The following CCDC126 variants were observed in gnomAD, a reference collection of about 807,000 sequenced individuals.
The protein encoded by CCDC126 is coiled-coil domain-containing protein 126.
A neutral mutation model predicts 11.7 loss-of-function variants in CCDC126; 5 were observed. The observed-to-expected ratio is 0.43, with a 90% confidence interval of 0.22 to 0.90. The LOEUF (loss-of-function observed/expected upper bound fraction) is 0.90, where lower values mean the gene tolerates loss of function less well. CCDC126 is among the 40% of genes least tolerant of loss of function. The pLI, the probability that CCDC126 is intolerant of heterozygous loss-of-function variation, is 0.27. For synonymous variants in CCDC126, 60 were observed against 61.9 expected, an observed-to-expected ratio of 0.97 and a Z score of 0.14; for missense variants, 150 against 163.1, an observed-to-expected ratio of 0.92 and a Z score of 0.44.
At chr7:23,622,902 C>T (rs999209600) in intron 3 of CCDC126, 17 of 336,338 alleles carry the variant, frequency 5.1e-5, no homozygotes, top group African/African-American at 1.1e-4. Flanking sequence ...CATGCAGTAA[C>T]ATGAATTATT....
chr7:23,623,131 GC>G (rs929144520), intron 3 of CCDC126, among the ~76,000 whole-genome samples: 1 of 131,876 alleles, frequency 7.6e-6, no homozygotes, highest in Non-Finnish European at 1.6e-5. Context: ...GCGCCACTAT[GC>G]CCAGCTGATT....
At chr7:23,613,221 C>G (rs1018834392) in intron 3 of CCDC126, among the ~76,000 whole-genome samples, 3 of 151,828 alleles carry the variant, frequency 2.0e-5, no homozygotes, top group Middle Eastern at 3.2e-3. Flanking sequence ...TCAGGTGGGA[C>G]AACTGCTTGA....
chr7:23,617,636 C>A (rs1409424353), intron 3 of CCDC126, among the ~76,000 whole-genome samples: 3 of 152,196 alleles, frequency 2.0e-5, no homozygotes, highest in South Asian at 4.2e-4. Context: ...TGCAGTTAAG[C>A]CTGCAGTAAG....
chr7:23,638,240 C>T (rs900042833), intron 3 of CCDC126, among the ~76,000 whole-genome samples: 4 of 151,872 alleles, frequency 2.6e-5, no homozygotes, highest in Non-Finnish European at 5.9e-5. Context: ...TGGGGATGGG[C>T]CATGATGACA....
intron 2 of CCDC126, among the ~76,000 whole-genome samples, chr7:23,609,007 G>T (rs1466085257): frequency 6.6e-6 from 1 of 151,902 alleles, no homozygotes; most frequent in Non-Finnish European, 1.5e-5. Flanking sequence ...GGAGCCACAA[G>T]ACCAGATGAG....
intron 3 of CCDC126, among the ~76,000 whole-genome samples, chr7:23,638,319 G>A (rs1246565687): frequency 7.4e-4 from 106 of 144,128 alleles, no homozygotes; most frequent in African/African-American, 2.6e-3. Flanking sequence ...TGGTTGCCGG[G>A]TCTGTGTGGA....
Position 23,597,618 on chromosome 7 carries a change from G to C in CCDC126, c.-231+13G>C, listed in dbSNP as rs1433867760. On this transcript the variant is annotated intron_variant, in intron 1 of 3. Coordinates refer to ENST00000307471, the MANE Select transcript of CCDC126 (RefSeq NM_138771.4). ...AGCCCACGGCCAGGTAATGAGTAAG[G>C]GGCGAGTCCGCCAGCCGGGCCCGCA... The C allele has an allele frequency of 6.6e-6, 1 of 152,290 alleles. No homozygotes were observed. Among genetic ancestry groups the C allele is most frequent in the Non-Finnish European group, 1.5e-5 (1 of 68,036 alleles). 9.4% of individuals were successfully genotyped at this position (152,290 alleles called of 1,614,324 possible). A position where few individuals can be genotyped will look rare whatever the true frequency, so the allele number is the denominator to read the frequency against.
At chr7:23,610,293 C>G (rs940719528) in intron 2 of CCDC126, among the ~76,000 whole-genome samples, 2 of 152,098 alleles carry the variant, frequency 1.3e-5, no homozygotes, top group Non-Finnish European at 2.9e-5. Context: ...CTCACTGTAC[C>G]CTTAACCTCT....
At chr7:23,607,112 C>T (rs1008689214) in intron 2 of CCDC126, among the ~76,000 whole-genome samples, 3 of 150,874 alleles carry the variant, frequency 2.0e-5, no homozygotes, top group Non-Finnish European at 3.0e-5. Context: ...AAGCAAAAAA[C>T]AAAAAACAAC....
chr7:23,635,025 T>C (rs1783184844), intron 3 of CCDC126, among the ~76,000 whole-genome samples: 1 of 152,388 alleles, frequency 6.6e-6, no homozygotes. Context: ...TTTTGTGTGC[T>C]ATGAAATAAT....
chr7:23,628,559 A>C (rs1398693334), intron 3 of CCDC126, among the ~76,000 whole-genome samples: 2 of 152,234 alleles, frequency 1.3e-5, no homozygotes, highest in African/African-American at 4.8e-5. Flanking sequence ...CTAGACTTTT[A>C]TCCTTTCAAG....
Position 23,639,285 on chromosome 7 carries a change from A to G in CCDC126, c.239-3646A>G, listed in dbSNP as rs1783310479. ...CAGCTCACTGCAACTTCTACCTCCC[A>G]AGTTCAAGCAGTTCTTCTGCTTCAG... On this transcript the variant is annotated intron_variant, in intron 3 of 3. Transcript: ENST00000307471. Among the ~76,000 whole-genome samples, 4 of 149,656 alleles carry G rather than the reference A, an allele frequency of 2.7e-5. No homozygotes were observed. In the Admixed American group the frequency reaches 2.7e-4, roughly 10 times the overall value.
At chr7:23,613,016 A>G (rs181335116) in intron 3 of CCDC126, among the ~76,000 whole-genome samples, 1 of 152,116 alleles carries the variant, frequency 6.6e-6, no homozygotes, top group Non-Finnish European at 1.5e-5. Flanking sequence ...TTGTTTGTTT[A>G]ATTAAAAGTT....
At chr7:23,622,224 G>C (rs1782917210) in intron 3 of CCDC126, among the ~76,000 whole-genome samples, 1 of 152,144 alleles carries the variant, frequency 6.6e-6, no homozygotes, top group African/African-American at 2.4e-5. Context: ...ACTGTTTTTG[G>C]TTGGTAAGCT....
In CCDC126 at chr7:23,611,549, A is replaced by T. The variant is rs773006558; in HGVS notation, c.234A>T (p.Gly78=). The change falls in exon 3 of 4, where the codon GGA becomes GGT. Residue 78 remains glycine (G), a synonymous_variant. Transcript: ENST00000307471. ...TCGAGAACGGTGCTTCTATGGCAGG[A>T]TATGGTAAGATAACCGTAGAATATT... is the stretch of plus-strand genomic sequence containing the variant. ...VDVENGASMA[G]YADLKRTIAV... is the part of the protein sequence containing the mutation. The T allele has an allele frequency of 2.0e-5, 31 of 1,586,248 alleles. No homozygotes were observed. The highest frequency in any genetic ancestry group is 2.5e-5 in the Non-Finnish European group (29 of 1,154,982).
chr7:23,598,126 C>G (rs140809308), intron 2 of CCDC126, 75 bp downstream of exon 2: 100 of 152,328 alleles, frequency 6.6e-4, no homozygotes, highest in African/African-American at 2.1e-3. Flanking sequence ...AGCTAGGGTT[C>G]GAATCCTGCC....
Position 23,644,646 on chromosome 7 carries a change from T to G in CCDC126, c.*1531T>G, listed in dbSNP as rs1336452001. On this transcript the variant is annotated 3_prime_UTR_variant, in exon 4 of 4. Coordinates refer to ENST00000307471, the MANE Select transcript of CCDC126 (RefSeq NM_138771.4). ...TAATTGTTTAGTCTCTCCTATTAGA[T>G]GTGGACATTTTTGTTTTTGTTTTTG... 6.6e-6 allele frequency: 1 copy of G among 152,592 alleles called. No homozygotes were observed. The highest frequency in any genetic ancestry group is 2.4e-5 in the African/African-American group (1 of 41,464). 9.5% of individuals were successfully genotyped at this position (152,592 alleles called of 1,614,324 possible).
chr7:23,615,027 A>AT (rs2128016659), intron 3 of CCDC126, among the ~76,000 whole-genome samples: 1 of 152,342 alleles, frequency 6.6e-6, no homozygotes, highest in African/African-American at 2.4e-5. Flanking sequence ...TCAGCCTGTC[A>AT]TTTGAAGCTT....
chr7:23,639,292 A>G (rs1470412994), intron 3 of CCDC126, among the ~76,000 whole-genome samples: 5 of 151,696 alleles, frequency 3.3e-5, no homozygotes, highest in Admixed American at 1.3e-4. Flanking sequence ...CCCAAGTTCA[A>G]GCAGTTCTTC....
Sources: allele counts gnomAD v4.1 joint callset (sites outside exome capture counted in the v4.1 genomes callset), GRCh38; gene constraint gnomAD v4.1.1; transcripts MANE v1.5; gene names NCBI Gene and HGNC (gene_info 2026-07-23, HGNC 2026-07-21).